The following AKAP6 variants were observed in gnomAD, a reference collection of about 807,000 sequenced individuals.
AKAP6 encodes A-kinase anchoring protein 6.
A neutral mutation model predicts 188.5 loss-of-function variants in AKAP6; 58 were observed. That is an observed-to-expected ratio of 0.31 (90% CI 0.25 to 0.38). The LOEUF (loss-of-function observed/expected upper bound fraction) is 0.38. Among genes scored for constraint, AKAP6 ranks in the 10% least tolerant of loss-of-function variants. The probability of loss-of-function intolerance (pLI) is 1.00; values close to 1 mark genes in which losing one functional copy is unlikely to be tolerated. For synonymous variants in AKAP6, 989 were observed against 998.6 expected (o/e 0.99, Z 0.18); for missense variants, 2,710 against 2,740.0 (o/e 0.99, Z 0.24).
intron 1 of AKAP6, among the ~76,000 whole-genome samples, chr14:32,426,159 G>A (rs17099056): frequency 0.063 from 9,641 of 152,044 alleles, 901 homozygotes; most frequent in African/African-American, 0.21. Context: ...GTAAAGGTTC[G>A]CACTTATCTT....
intron 3 of AKAP6, among the ~76,000 whole-genome samples, chr14:32,538,319 A>T (rs768985548): frequency 4.6e-5 from 7 of 151,872 alleles, no homozygotes; most frequent in Non-Finnish European, 7.4e-5. Flanking sequence ...ATGATGAGGG[A>T]AATGGCAAAA....
At chr14:32,443,088 G>A (rs1367269641) in intron 2 of AKAP6, among the ~76,000 whole-genome samples, 1 of 152,074 alleles carries the variant, frequency 6.6e-6, no homozygotes, top group Non-Finnish European at 1.5e-5. Context: ...AGAATCTCCT[G>A]GGAAGCTTTA....
rs2031223899 is a variant in AKAP6 at position 32,732,499 on chromosome 14, C to A, written c.3046C>A (p.Leu1016Met). The change falls in exon 10 of 14, where the codon CTG becomes ATG. Residue 1016 changes from leucine to methionine, a missense_variant. Physicochemically the swap from Leu to Met is conservative, Grantham distance 15. Transcript: ENST00000280979. ...CATCAGACACCTGAAAAAGACGGAG[C>A]TGCTTAGTAAGGTTGAAGCTTTGAA... The part of the protein sequence containing the change: ...MSIRHLKKTE[L>M]LSKVEALKKG... 1 of 1,613,316 alleles carries A rather than the reference C, an allele frequency of 6.2e-7. No individual in the cohort carries two copies. The highest frequency in any genetic ancestry group is 1.7e-5 in the Admixed American group (1 of 59,870).
chr14:32,802,392 G>C (rs1350185867), intron 12 of AKAP6, among the ~76,000 whole-genome samples: 2 of 152,120 alleles, frequency 1.3e-5, no homozygotes, highest in Non-Finnish European at 2.9e-5. Flanking sequence ...ATATGACCAA[G>C]TGATTCACAA....
intron 9 of AKAP6, among the ~76,000 whole-genome samples, chr14:32,698,569 C>T (rs1322373856): frequency 6.6e-6 from 1 of 152,022 alleles, no homozygotes; most frequent in African/African-American, 2.4e-5. Flanking sequence ...CTGTCTTTTA[C>T]ACTACAGAAC....
chr14:32,482,633 A>G (rs1879412362), intron 2 of AKAP6, among the ~76,000 whole-genome samples: 1 of 152,242 alleles, frequency 6.6e-6, no homozygotes, highest in Non-Finnish European at 1.5e-5. Flanking sequence ...AGGGCCTGGA[A>G]AAGTGCTTGG....
chr14:32,798,891 A>G (rs1052569914), intron 12 of AKAP6, among the ~76,000 whole-genome samples: 1 of 152,178 alleles, frequency 6.6e-6, no homozygotes, highest in African/African-American at 2.4e-5. Context: ...GAAAAAAAAA[A>G]ATAATACCTG....
chr14:32,530,272 C>T (rs1036704366), intron 2 of AKAP6, among the ~76,000 whole-genome samples: 1 of 152,148 alleles, frequency 6.6e-6, no homozygotes, highest in Non-Finnish European at 1.5e-5. Flanking sequence ...AGCAATTCTC[C>T]TGCCTCAGTC....
intron 2 of AKAP6, among the ~76,000 whole-genome samples, chr14:32,511,748 T>A: frequency 6.6e-6 from 1 of 152,158 alleles, no homozygotes; most frequent in East Asian, 1.9e-4. Context: ...CATTTTTTCC[T>A]CTTTTCACTG....
chr14:32,715,637 A>G (rs1054560470), intron 9 of AKAP6, among the ~76,000 whole-genome samples: 4 of 152,020 alleles, frequency 2.6e-5, no homozygotes, highest in Admixed American at 2.0e-4. Context: ...AAAAAACCTC[A>G]GATCTAGGAA....
chr14:32,367,223 A>G (rs1215390954), intron 1 of AKAP6, among the ~76,000 whole-genome samples: 1 of 152,212 alleles, frequency 6.6e-6, no homozygotes, highest in Non-Finnish European at 1.5e-5. Context: ...AAAAGCCTCC[A>G]AAACATAGAT....
Position 32,525,454 on chromosome 14 carries a change from GGC to G in AKAP6, c.325-10099_325-10098del, listed in dbSNP as rs1316673356. 4.6e-5 allele frequency among the ~76,000 whole-genome samples: 7 copies of G among 152,342 alleles called. No individual in the cohort carries two copies. The East Asian group carries it at 1.3e-3, about 29-fold the overall frequency. The stretch of plus-strand genomic sequence containing the variant: ...TCTAATTGGTCCTTTCTCAGTTGAA[GGC>G]AGAGGAGACTTTCAGAGACGTGAAG... On this transcript the variant is annotated intron_variant, in intron 2 of 13. Coordinates refer to ENST00000280979, the MANE Select transcript of AKAP6 (RefSeq NM_004274.5).
intron 2 of AKAP6, among the ~76,000 whole-genome samples, chr14:32,437,685 C>CCCTCAGGCTCAAGAGATGCTCCTG (rs1890431574): frequency 6.6e-6 from 1 of 151,964 alleles, no homozygotes; most frequent in Non-Finnish European, 1.5e-5. Flanking sequence ...CAACCTTTGA[C>CCCTCAGGCTCAAGAGATGCTCCTG]CCTCAGGCTC....
Position 32,668,231 on chromosome 14 carries a change from G to A in AKAP6, c.2731-10080G>A, listed in dbSNP as rs74041657. ...CACCCTAGCTCATGACATAAAATGC[G>A]GAATTTTTAATGATTTTTAACTACA... is the stretch of plus-strand genomic sequence containing the variant. On this transcript the variant is annotated intron_variant, in intron 7 of 13. Transcript: ENST00000280979. Among the ~76,000 whole-genome samples the A allele has an allele frequency of 6.5e-3, 995 of 152,116 alleles. 20 individuals carry two copies. Among genetic ancestry groups the A allele is most frequent in the African/African-American group, 0.023 (967 of 41,514 alleles).
At chr14:32,594,001 C>T (rs184174520) in intron 5 of AKAP6, among the ~76,000 whole-genome samples, 9 of 152,270 alleles carry the variant, frequency 5.9e-5, no homozygotes, top group Non-Finnish European at 7.4e-5. Flanking sequence ...CCATCTATTA[C>T]GTAGACTATT....
At chr14:32,732,367 C>T (rs1397609463) in intron 9 of AKAP6, 87 bp from the exon 10 acceptor site, 1 of 1,458,364 alleles carries the variant, frequency 6.9e-7, no homozygotes, top group East Asian at 2.3e-5. Context: ...ACTTTTAATG[C>T]TCGTAAGCAT....
chr14:32,576,180 G>C (rs1436872502), intron 4 of AKAP6, among the ~76,000 whole-genome samples: 1 of 152,074 alleles, frequency 6.6e-6, no homozygotes, highest in Non-Finnish European at 1.5e-5. Context: ...AAGATTATTT[G>C]AAAGGCACAT....
intron 3 of AKAP6, among the ~76,000 whole-genome samples, chr14:32,540,162 C>CTATA (rs1473909094): frequency 8.0e-4 from 84 of 105,158 alleles, no homozygotes; most frequent in Non-Finnish European, 1.0e-3. Context: ...CTCTCTCTCT[C>CTATA]TCTCTCTATA....
Position 32,822,577 on chromosome 14 carries a change from C to T in AKAP6, c.4764C>T (p.Asp1588=). The T allele has an allele frequency of 6.2e-7, 1 of 1,613,976 alleles. No individual in the cohort carries two copies. Residue 1588 remains aspartate (D), a synonymous_variant, in exon 13 of 14, where the codon GAC becomes GAT. Coordinates refer to ENST00000280979, the MANE Select transcript of AKAP6 (RefSeq NM_004274.5). ...FGLGIFKNGS[D]SLQRSTSLES... ...TGGGCATCTTTAAAAATGGCAGTGA[C>T]AGCCTCCAGCGAAGCACTTCTTTAG...
Sources: allele counts gnomAD v4.1 joint callset (sites outside exome capture counted in the v4.1 genomes callset), GRCh38; gene constraint gnomAD v4.1.1; transcripts MANE v1.5; gene names NCBI Gene and HGNC (gene_info 2026-07-23, HGNC 2026-07-21).